PRR5: variants seen among roughly 807,000 people sequenced by gnomAD.
PRR5 encodes proline rich 5.
PRR5 carries 25 observed loss-of-function variants against 30.6 expected under a neutral mutation model. The ratio of observed to expected loss-of-function variants is 0.82; its 90% CI spans 0.60 to 1.14. The LOEUF is 1.14. Ranked by LOEUF, PRR5 falls within the 50% of genes most tolerant of loss-of-function variation. PRR5 has a pLI of 0.00. For missense variants in PRR5, 600 were observed against 547.1 expected, an observed-to-expected ratio of 1.10 and a Z score of -0.96; for synonymous variants, 286 against 247.1, an observed-to-expected ratio of 1.16 and a Z score of -1.48.
chr22:44,722,826 T>C (rs6007264), intron 2 of PRR5, among the ~76,000 whole-genome samples: 162 of 152,266 alleles, frequency 1.1e-3, no homozygotes, highest in African/African-American at 3.7e-3. Context: ...AAGCAAGCCT[T>C]ATTTGGGCTT....
At chr22:44,696,284 A>G (rs1481933304) in intron 1 of PRR5, among the ~76,000 whole-genome samples, 3 of 152,154 alleles carry the variant, frequency 2.0e-5, no homozygotes, top group Non-Finnish European at 4.4e-5. Context: ...AGTTTGGGAG[A>G]TTCCAAAACC....
intron 1 of PRR5, among the ~76,000 whole-genome samples, chr22:44,682,329 G>A (rs1285742243): frequency 2.0e-5 from 3 of 152,204 alleles, no homozygotes; most frequent in Admixed American, 6.5e-5. Flanking sequence ...ATAGGCAGAC[G>A]GTGGAGAGAA....
intron 1 of PRR5, among the ~76,000 whole-genome samples, chr22:44,713,522 C>G (rs932790646): frequency 2.6e-5 from 4 of 152,210 alleles, no homozygotes; most frequent in Non-Finnish European, 5.9e-5. Flanking sequence ...AGTGAGCCAG[C>G]GCACCTGGCC....
In PRR5 at chr22:44,724,710, G is replaced by C. The variant is rs1930424463; in HGVS notation, c.216-534G>C. Among the ~76,000 whole-genome samples the C allele has an allele frequency of 2.0e-5, 3 of 152,314 alleles. No homozygotes were observed. The South Asian group carries it at 6.2e-4, about 32-fold the overall frequency. The stretch of plus-strand genomic sequence containing the variant: ...GTGTCCCATGTGGACCTGGTCTGGT[G>C]TCTTGACCTCTGCGAGCCTCTCTTG... On this transcript the variant is annotated intron_variant, in intron 2 of 7. Transcript: ENST00000336985.
intron 2 of PRR5, among the ~76,000 whole-genome samples, chr22:44,719,495 G>GT (rs1929608595): frequency 6.6e-6 from 1 of 152,196 alleles, no homozygotes; most frequent in African/African-American, 2.4e-5. Flanking sequence ...ACATGTCATT[G>GT]TTATGTGACC....
At chr22:44,706,279 G>A (rs113046729) in intron 1 of PRR5, among the ~76,000 whole-genome samples, 17 of 152,254 alleles carry the variant, frequency 1.1e-4, no homozygotes, top group African/African-American at 3.6e-4. Context: ...TCATTCATTC[G>A]TTTATTCATT....
Position 44,723,458 on chromosome 22 carries a change from G to A in PRR5, c.216-1786G>A, listed in dbSNP as rs183206263. On this transcript the variant is annotated intron_variant, in intron 2 of 7. Coordinates refer to ENST00000336985, the MANE Select transcript of PRR5 (RefSeq NM_181333.4). ...ATTGGGGCCAGGTGCAGTGGCTCAC[G>A]CCTGTAATCCCAGCACTTTGGGAGT... Among the ~76,000 whole-genome samples, 1,220 of 152,240 alleles carry A rather than the reference G, an allele frequency of 8.0e-3. 11 individuals are homozygous for A. The highest frequency in any genetic ancestry group is 0.028 in the African/African-American group (1,162 of 41,538).
At chr22:44,726,527 CCCCCG>C in intron 3 of PRR5, 45 bp from the exon 4 acceptor site, 1 of 1,612,728 alleles carries the variant, frequency 6.2e-7, no homozygotes. Context: ...GGCCAGGACA[CCCCCG>C]GGCATCCACA....
intron 7 of PRR5, among the ~76,000 whole-genome samples, chr22:44,735,533 G>A (rs61031123): frequency 0.054 from 8,288 of 152,250 alleles, 280 homozygotes; most frequent in East Asian, 0.17. Flanking sequence ...GGAGGGACTC[G>A]GCCTGGGGGT....
intron 2 of PRR5, among the ~76,000 whole-genome samples, chr22:44,720,620 G>A (rs1341378112): frequency 1.3e-5 from 2 of 152,228 alleles, no homozygotes; most frequent in Admixed American, 6.5e-5. Context: ...CTTGGGAGGT[G>A]GACGAGGCCT....
Position 44,726,378 on chromosome 22 carries a change from A to C in PRR5, c.265-199A>C, listed in dbSNP as rs1920948143. On this transcript the variant is annotated intron_variant, in intron 3 of 7. Transcript: ENST00000336985. ...TGTGACCACCTCCTGTCTCGTGACA[A>C]CCCGGGGTTGGGTCAGTTACCCTCC... 1.3e-5 allele frequency among the ~76,000 whole-genome samples: 2 copies of C among 152,000 alleles called. 1 individual carries two copies. The highest frequency in any genetic ancestry group is 4.2e-4 in the South Asian group (2 of 4,812).
At chr22:44,718,428 C>T (rs959800418) in intron 2 of PRR5, among the ~76,000 whole-genome samples, 1 of 152,206 alleles carries the variant, frequency 6.6e-6, no homozygotes, top group Admixed American at 6.5e-5. Flanking sequence ...CTCCTGACCT[C>T]AAGTGATCTG....
intron 2 of PRR5, among the ~76,000 whole-genome samples, chr22:44,720,800 C>T (rs765247024): frequency 1.3e-5 from 2 of 152,114 alleles, no homozygotes; most frequent in South Asian, 4.2e-4. Context: ...TCACCCCTGC[C>T]CAGAGAAGGA....
At chr22:44,706,456 T>G (rs1199208151) in intron 1 of PRR5, among the ~76,000 whole-genome samples, 1 of 152,006 alleles carries the variant, frequency 6.6e-6, no homozygotes, top group Non-Finnish European at 1.5e-5. Flanking sequence ...GGCCCTGGAG[T>G]GCTGAGCATT....
chr22:44,711,069 G>A (rs917602167), intron 1 of PRR5, among the ~76,000 whole-genome samples: 2 of 152,048 alleles, frequency 1.3e-5, no homozygotes, highest in African/African-American at 2.4e-5. Flanking sequence ...GGTGGGGAGT[G>A]TGGGTGGGAG....
upstream of PRR5, among the ~76,000 whole-genome samples, chr22:44,701,024 G>A (rs546147987): frequency 1.1e-3 from 160 of 151,848 alleles, no homozygotes; most frequent in Middle Eastern, 3.2e-3. Flanking sequence ...CTGGGATTAC[G>A]GGCATGCACC....
intron 4 of PRR5, among the ~76,000 whole-genome samples, chr22:44,728,877 A>C (rs373293476): frequency 6.6e-6 from 1 of 152,194 alleles, no homozygotes; most frequent in African/African-American, 2.4e-5. Flanking sequence ...GCCCCTGGGC[A>C]GAGCCGGTCC....
chr22:44,673,173 G>A (rs942621318), upstream of PRR5, among the ~76,000 whole-genome samples: 4 of 152,236 alleles, frequency 2.6e-5, no homozygotes, highest in African/African-American at 7.2e-5. Flanking sequence ...TGAAGGGAGA[G>A]AGGACCTAGC....
At chr22:44,734,860 G>A (rs1263032340) in intron 6 of PRR5, 167 bp from the exon 7 acceptor site, 2 of 876,368 alleles carry the variant, frequency 2.3e-6, no homozygotes, top group Non-Finnish European at 3.5e-6. Context: ...GCTCTGAGAG[G>A]GGCTGGGAGG....
Sources: allele counts gnomAD v4.1 joint callset (sites outside exome capture counted in the v4.1 genomes callset), GRCh38; gene constraint gnomAD v4.1.1; transcripts MANE v1.5; gene names NCBI Gene and HGNC (gene_info 2026-07-23, HGNC 2026-07-21).